The following MAP2K6 variants were observed in gnomAD, a reference collection of about 807,000 sequenced individuals.
MAP2K6 encodes the protein mitogen-activated protein kinase kinase 6.
In MAP2K6, 16 loss-of-function variants were observed where a neutral mutation model predicts 53.7. The ratio of observed to expected loss-of-function variants is 0.30; its 90% CI spans 0.20 to 0.45. The LOEUF is 0.45. Among genes scored for constraint, MAP2K6 ranks in the 20% least tolerant of loss-of-function variants. MAP2K6 has a pLI of 1.00. For synonymous variants in MAP2K6, 132 were observed against 143.1 expected, an observed-to-expected ratio of 0.92 and a Z score of 0.55; for missense variants, 204 against 411.9, an observed-to-expected ratio of 0.50 and a Z score of 4.37.
chr17:69,475,987 A>ATTAT (rs1908137176), intron 1 of MAP2K6, among the ~76,000 whole-genome samples: 2 of 152,206 alleles, frequency 1.3e-5, no homozygotes, highest in Admixed American at 1.3e-4. Flanking sequence ...GCAATCTCGA[A>ATTAT]ACCCTTTTTA....
At chr17:69,441,748 G>C (rs1187429764) in intron 1 of MAP2K6, among the ~76,000 whole-genome samples, 1 of 152,150 alleles carries the variant, frequency 6.6e-6, no homozygotes, top group Non-Finnish European at 1.5e-5. Flanking sequence ...TGATTTAGAA[G>C]ATCTCCTCTG....
chr17:69,449,609 C>CTTTTTTTTTTTTTT (rs757595417), intron 1 of MAP2K6, among the ~76,000 whole-genome samples: 1 of 70,014 alleles, frequency 1.4e-5, no homozygotes. Context: ...CTTTCTCTCT[C>CTTTTTTTTTTTTTT]TTTTTTTTTT....
chr17:69,500,759 A>T (rs949197081), intron 1 of MAP2K6, among the ~76,000 whole-genome samples: 1 of 149,814 alleles, frequency 6.7e-6, no homozygotes, highest in Non-Finnish European at 1.5e-5. Flanking sequence ...CCATCTCAAA[A>T]AAAAAAGAAA....
At chr17:69,523,363 C>T in intron 7 of MAP2K6, 151 bp from the exon 8 acceptor site, 1 of 830,496 alleles carries the variant, frequency 1.2e-6, no homozygotes, top group Admixed American at 2.1e-5. Flanking sequence ...CTGTTGTTAA[C>T]TGTGGGTCAG....
intron 2 of MAP2K6, among the ~76,000 whole-genome samples, chr17:69,514,423 C>G (rs1910031413): frequency 6.6e-6 from 1 of 152,146 alleles, no homozygotes; most frequent in African/African-American, 2.4e-5. Context: ...TTTTCTCTCT[C>G]TCCCTCTCAG....
In MAP2K6 at chr17:69,520,968, G is replaced by C. The variant is rs146455212; in HGVS notation, c.484-81G>C. 364 of 1,133,282 alleles carry C rather than the reference G, an allele frequency of 3.2e-4. 5 individuals are homozygous for C. The East Asian group carries it at 7.5e-3, about 23-fold the overall frequency. 70.2% of individuals were successfully genotyped at this position (1,133,282 alleles called of 1,614,324 possible). Reference sequence around the variant, plus strand: ...ATCTCACTGGTAACCTAAAGCCAAGGATAATAAACCTTGATATACTTAACA... The same window carrying C: ...ATCTCACTGGTAACCTAAAGCCAAGCATAATAAACCTTGATATACTTAACA... On this transcript the variant is annotated intron_variant, in intron 6 of 11. Coordinates refer to ENST00000590474, the MANE Select transcript of MAP2K6 (RefSeq NM_002758.4).
rs1029535903 is a variant in MAP2K6 at position 69,544,130 on chromosome 17, G to T, written c.*2377G>T. 1.3e-5 allele frequency: 2 copies of T among 152,118 alleles called. No homozygotes were observed. Among genetic ancestry groups the T allele is most frequent in the Non-Finnish European group, 2.9e-5 (2 of 68,028 alleles). The allele number at this position is 152,118 out of a possible 1,614,324, so 9.4% of individuals were successfully genotyped here. ...TAAATTTACTTTCTTTTGAACATTT[G>T]CAGGGAGTAACATGCCATTGCAGAA... On this transcript the variant is annotated 3_prime_UTR_variant, in exon 12 of 12. Coordinates refer to ENST00000590474, the MANE Select transcript of MAP2K6 (RefSeq NM_002758.4).
At chr17:69,503,968 G>A (rs1380528495) in intron 1 of MAP2K6, among the ~76,000 whole-genome samples, 6 of 152,082 alleles carry the variant, frequency 3.9e-5, no homozygotes, top group Non-Finnish European at 5.9e-5. Context: ...TCAAAATCCC[G>A]GGTACGTCTC....
chr17:69,423,342 G>A (rs1268619373), intron 1 of MAP2K6, among the ~76,000 whole-genome samples: 3 of 152,180 alleles, frequency 2.0e-5, no homozygotes, highest in South Asian at 4.1e-4. Flanking sequence ...CACAGCTATG[G>A]TCATTCATTT....
At chr17:69,425,309 C>CT (rs1016357556) in intron 1 of MAP2K6, among the ~76,000 whole-genome samples, 70 of 145,848 alleles carry the variant, frequency 4.8e-4, no homozygotes, top group East Asian at 1.0e-3. Flanking sequence ...GCAATGAATT[C>CT]TTTTTTTTTT....
At chr17:69,444,875 C>G (rs1400960930) in intron 1 of MAP2K6, among the ~76,000 whole-genome samples, 1 of 152,196 alleles carries the variant, frequency 6.6e-6, no homozygotes, top group Non-Finnish European at 1.5e-5. Context: ...CACTAACTTT[C>G]ATTTACTGGA....
intron 11 of MAP2K6, among the ~76,000 whole-genome samples, chr17:69,540,377 G>A (rs1194579120): frequency 1.3e-5 from 2 of 152,204 alleles, no homozygotes; most frequent in African/African-American, 4.8e-5. Flanking sequence ...CATGGGAGGT[G>A]AGACACGTGG....
intron 1 of MAP2K6, among the ~76,000 whole-genome samples, chr17:69,423,418 A>G (rs1054435744): frequency 3.3e-5 from 5 of 152,318 alleles, no homozygotes; most frequent in Admixed American, 6.5e-5. Flanking sequence ...CAGAGCCCCT[A>G]TGTCCCACAA....
rs952172855 is a variant in MAP2K6 at position 69,542,336 on chromosome 17, C to T, written c.*583C>T. 2.0e-5 allele frequency: 3 copies of T among 152,576 alleles called. No individual in the cohort carries two copies. Among genetic ancestry groups the T allele is most frequent in the African/African-American group, 7.2e-5 (3 of 41,436 alleles). 9.5% of individuals were successfully genotyped at this position (152,576 alleles called of 1,614,324 possible). ...ATAAAAATATCAAAAAGGAGCTCTT[C>T]TTGTGAAATGTCTGTTCCAGCTGTT... On this transcript the variant is annotated 3_prime_UTR_variant, in exon 12 of 12. Coordinates refer to ENST00000590474, the MANE Select transcript of MAP2K6 (RefSeq NM_002758.4).
In MAP2K6 at chr17:69,551,399, G is replaced by A. The variant is rs1480754998; in HGVS notation, c.*9646G>A. The A allele has an allele frequency of 6.6e-6, 1 of 152,164 alleles. No individual in the cohort carries two copies. Among genetic ancestry groups the A allele is most frequent in the African/African-American group, 2.4e-5 (1 of 41,430 alleles). The allele number at this position is 152,164 out of a possible 1,614,324, so 9.4% of individuals were successfully genotyped here. ...TATCTGTCATGAACTGCACACAAGG[G>A]AATGCTTAAACACCAGCTGAGTCAT... On this transcript the variant is annotated 3_prime_UTR_variant, in exon 12 of 12. Coordinates refer to ENST00000590474, the MANE Select transcript of MAP2K6 (RefSeq NM_002758.4).
At chr17:69,451,904 G>T (rs7218446) in intron 1 of MAP2K6, among the ~76,000 whole-genome samples, 1,594 of 152,146 alleles carry the variant, frequency 0.01, 27 homozygotes, top group African/African-American at 0.036. Flanking sequence ...ACTCCAGCAT[G>T]CACTGCACAC....
Position 69,468,636 on chromosome 17 carries a change from G to T in MAP2K6, c.17-37144G>T, listed in dbSNP as rs554946923. Among the ~76,000 whole-genome samples the T allele has an allele frequency of 3.3e-5, 5 of 152,288 alleles. No individual in the cohort carries two copies. The South Asian group carries it at 8.3e-4, about 25-fold the overall frequency. ...ATGACATCGAAGCTGAGTTCGAAAAGGTGCGAAGAAACTAGAAGAGGAATG... is the reference window on the plus strand; with the variant it reads ...ATGACATCGAAGCTGAGTTCGAAAATGTGCGAAGAAACTAGAAGAGGAATG... On this transcript the variant is annotated intron_variant, in intron 1 of 11. Transcript: ENST00000590474.
chr17:69,439,354 A>C (rs1906746299), intron 1 of MAP2K6, among the ~76,000 whole-genome samples: 1 of 152,120 alleles, frequency 6.6e-6, no homozygotes, highest in Non-Finnish European at 1.5e-5. Context: ...CTGACTTCCC[A>C]TCTCTCTCTC....
chr17:69,427,271 C>T (rs759100477), intron 1 of MAP2K6, among the ~76,000 whole-genome samples: 1 of 152,142 alleles, frequency 6.6e-6, no homozygotes, highest in East Asian at 1.9e-4. Context: ...TTATTTACCT[C>T]AAGTAAAATA....
Sources: gnomAD v4.1 joint callset for allele counts (sites outside exome capture counted in the v4.1 genomes callset) on GRCh38, gnomAD v4.1.1 for gene constraint, MANE v1.5 for transcripts, NCBI Gene and HGNC (gene_info 2026-07-23, HGNC 2026-07-21) for gene names.